BOLA3: variants seen among roughly 807,000 people sequenced by gnomAD.
BOLA3 encodes bolA family member 3, also known as bolA-like protein 3.
In BOLA3, 8 loss-of-function variants were observed where a neutral mutation model predicts 14.5. That is an observed-to-expected ratio of 0.55 (90% CI 0.32 to 0.99). The LOEUF (loss-of-function observed/expected upper bound fraction) is 0.99. Ranked by LOEUF, BOLA3 falls within the 50% of genes least tolerant of loss-of-function variation. BOLA3 has a pLI of 0.04. For missense variants in BOLA3, 115 were observed against 138.2 expected, an observed-to-expected ratio of 0.83 and a Z score of 0.84; for synonymous variants, 42 against 45.7, an observed-to-expected ratio of 0.92 and a Z score of 0.33.
At chr2:74,135,719 TGA>T in intron 3 of BOLA3, 61 bp from the exon 4 acceptor site, 2 of 1,192,098 alleles carry the variant, frequency 1.7e-6, no homozygotes, top group South Asian at 2.4e-5. Flanking sequence ...AGTAATTCTC[TGA>T]GAGTATTTTT....
intron 1 of BOLA3, chr2:74,146,758 C>G (rs1692552784): frequency 6.6e-6 from 1 of 152,374 alleles, no homozygotes; most frequent in Non-Finnish European, 1.5e-5. Context: ...GAGCTGTGCA[C>G]TGGCTCTCTC....
At chr2:74,138,570 G>A (rs1252562822) in intron 3 of BOLA3, among the ~76,000 whole-genome samples, 1 of 152,218 alleles carries the variant, frequency 6.6e-6, no homozygotes, top group Non-Finnish European at 1.5e-5. Context: ...GGAAGCTCCC[G>A]TGATTCACTG....
intron 3 of BOLA3, among the ~76,000 whole-genome samples, chr2:74,141,508 AAG>A (rs1692437549): frequency 6.6e-6 from 1 of 152,084 alleles, no homozygotes; most frequent in South Asian, 2.1e-4. Context: ...CAGATAGAGA[AAG>A]AGAGAGACCA....
At chr2:74,140,041 T>G (rs1412908606) in intron 3 of BOLA3, among the ~76,000 whole-genome samples, 1 of 151,602 alleles carries the variant, frequency 6.6e-6, no homozygotes, top group East Asian at 1.9e-4. Context: ...CCCAGCACTT[T>G]GGGAGGCCGA....
intron 3 of BOLA3, among the ~76,000 whole-genome samples, chr2:74,140,760 G>A (rs566783293): frequency 6.6e-6 from 1 of 152,310 alleles, no homozygotes; most frequent in East Asian, 1.9e-4. Flanking sequence ...CTATGTGTCG[G>A]GCAGTGTTGT....
chr2:74,138,771 C>A (rs182950367), intron 3 of BOLA3, among the ~76,000 whole-genome samples: 1 of 152,162 alleles, frequency 6.6e-6, no homozygotes, highest in South Asian at 2.1e-4. Context: ...GGCAGGGAGA[C>A]GGCAACAGCT....
chr2:74,145,994 CCTT>C (rs1692535344), intron 1 of BOLA3: 1 of 146,796 alleles, frequency 6.8e-6, no homozygotes, highest in Non-Finnish European at 1.5e-5. Context: ...GTTTGTGTTT[CCTT>C]TTTTTTTTTT....
At chr2:74,147,747 G>T in intron 1 of BOLA3, 74 bp downstream of exon 1, 1 of 1,479,878 alleles carries the variant, frequency 6.8e-7, no homozygotes, top group African/African-American at 1.4e-5. Flanking sequence ...CTCAAGCCCC[G>T]ACAGCCGCCG....
At chr2:74,136,007 T>C (rs1692319079) in intron 3 of BOLA3, among the ~76,000 whole-genome samples, 1 of 149,334 alleles carries the variant, frequency 6.7e-6, no homozygotes, top group Non-Finnish European at 1.5e-5. Context: ...TGGAGTGCAG[T>C]GGCGCGATAT....
chr2:74,143,465 G>T (rs1014037292), intron 2 of BOLA3, among the ~76,000 whole-genome samples: 3 of 151,884 alleles, frequency 2.0e-5, no homozygotes, highest in African/African-American at 7.3e-5. Context: ...GGCCTGTTCT[G>T]TTTTTCTTAT....
chr2:74,136,156 C>T lies in BOLA3; in HGVS notation c.259-498G>A, dbSNP rs571782562. 9.2e-5 allele frequency among the ~76,000 whole-genome samples: 14 copies of T among 152,152 alleles called. No individual in the cohort carries two copies. In the East Asian group the frequency reaches 2.3e-3, roughly 25 times the overall value. ...GTAGAGGCAGGGTCTCACTATATTG[C>T]CTAGGCTGGTCTTGAACTCCTGGAC... is the stretch of plus-strand genomic sequence containing the variant. On this transcript the variant is annotated intron_variant, in intron 3 of 3. Coordinates refer to ENST00000327428, the MANE Select transcript of BOLA3 (RefSeq NM_212552.3).
chr2:74,142,687 C>T (rs1692460092), intron 2 of BOLA3, among the ~76,000 whole-genome samples: 1 of 152,174 alleles, frequency 6.6e-6, no homozygotes, highest in Non-Finnish European at 1.5e-5. Flanking sequence ...CAATAAACGC[C>T]ACGGAAGAGG....
In BOLA3 at chr2:74,147,859, G is replaced by A. The variant is rs1476398499; in HGVS notation, c.16C>T (p.Pro6Ser). The A allele has an allele frequency of 1.2e-5, 19 of 1,524,504 alleles. No individual in the cohort carries two copies. The highest frequency in any genetic ancestry group is 1.7e-5 in the Non-Finnish European group (19 of 1,143,044). The allele number at this position is 1,524,504 out of a possible 1,614,324, so 94.4% of individuals were successfully genotyped here. A position where few individuals can be genotyped will look rare whatever the true frequency, so the allele number is the denominator to read the frequency against. ...CGGAGGAGAGGCGCTGCCGCGGCCG[G>A]GCTCCATGCAGCCATGCCCGGCCGA... is the stretch of plus-strand genomic sequence containing the variant. MAAWS[P>S]AAAAPLLRGI... Residue 6 changes from proline to serine, a missense_variant, in exon 1 of 4, where the codon CCG (proline) becomes TCG (serine). Transcript: ENST00000327428.
intron 3 of BOLA3, among the ~76,000 whole-genome samples, chr2:74,136,197 G>C (rs146870291): frequency 1.6e-3 from 249 of 152,180 alleles, no homozygotes; most frequent in African/African-American, 5.8e-3. Flanking sequence ...CAATCTGCCT[G>C]TCTTGGCTTC....
chr2:74,144,585 AGCCTGCTCCTAACACACT>A (rs1165394777), intron 2 of BOLA3, among the ~76,000 whole-genome samples: 1 of 152,172 alleles, frequency 6.6e-6, no homozygotes, highest in African/African-American at 2.4e-5. Flanking sequence ...TTGCTTCTCC[AGCCTGCTCCTAACACACT>A]GCCAGCCTGA....
chr2:74,146,909 G>C (rs1692555658), intron 1 of BOLA3: 2 of 152,656 alleles, frequency 1.3e-5, no homozygotes, highest in African/African-American at 4.8e-5. Flanking sequence ...TGCAAGACAG[G>C]AGAAAGGTCC....
chr2:74,137,372 C>T (rs1031835943), intron 3 of BOLA3, among the ~76,000 whole-genome samples: 3 of 152,000 alleles, frequency 2.0e-5, no homozygotes, highest in African/African-American at 7.3e-5. Flanking sequence ...GAAAAGGAGA[C>T]CAACACAGGG....
chr2:74,138,037 A>C (rs115378344), intron 3 of BOLA3, among the ~76,000 whole-genome samples: 2,795 of 152,072 alleles, frequency 0.018, 74 homozygotes, highest in African/African-American at 0.063. Flanking sequence ...GGCTTCACCC[A>C]CTCAGGCCCT....
chr2:74,144,162 C>T (rs552872002), intron 2 of BOLA3, among the ~76,000 whole-genome samples: 17 of 149,936 alleles, frequency 1.1e-4, no homozygotes, highest in African/African-American at 2.5e-4. Flanking sequence ...TGTGCCACCA[C>T]GCCCAGTTAA....
Sources: gnomAD v4.1 joint callset for allele counts (sites outside exome capture counted in the v4.1 genomes callset) on GRCh38, gnomAD v4.1.1 for gene constraint, MANE v1.5 for transcripts, NCBI Gene and HGNC (gene_info 2026-07-23, HGNC 2026-07-21) for gene names.